IMPA1: variants seen among roughly 807,000 people sequenced by gnomAD.
IMPA1 encodes D-galactose 1-phosphate phosphatase.
Under a neutral mutation model 34.9 loss-of-function variants are expected in IMPA1, and 21 were observed. The observed-to-expected ratio is 0.60, with a 90% CI of 0.43 to 0.87. The LOEUF is 0.87. Among genes scored for constraint, IMPA1 ranks in the 40% least tolerant of loss-of-function variants. The pLI, the probability that IMPA1 is intolerant of heterozygous loss-of-function variation, is 0.00. For synonymous variants in IMPA1, 95 were observed against 104.4 expected (o/e 0.91, Z 0.55); for missense variants, 299 against 336.4 (o/e 0.89, Z 0.87).
chr8:81,683,379 T>C (rs149218186), intron 1 of IMPA1, among the ~76,000 whole-genome samples: 1 of 152,278 alleles, frequency 6.6e-6, no homozygotes, highest in East Asian at 1.9e-4. Flanking sequence ...GGATACCTGA[T>C]GATTGGCTGA....
chr8:81,670,034 A>T (rs942608980), intron 7 of IMPA1, among the ~76,000 whole-genome samples: 3 of 152,234 alleles, frequency 2.0e-5, no homozygotes, highest in Admixed American at 6.5e-5. Context: ...GAAGGCCCTC[A>T]TCAGATGCAG....
chr8:81,679,436 A>G, intron 3 of IMPA1, among the ~76,000 whole-genome samples: 1 of 152,072 alleles, frequency 6.6e-6, no homozygotes, highest in East Asian at 1.9e-4. Flanking sequence ...AATGTGGTGA[A>G]ACCCCATCTC....
At chr8:81,680,509 G>C in intron 3 of IMPA1, 141 bp downstream of exon 3, 1 of 633,848 alleles carries the variant, frequency 1.6e-6, no homozygotes. Context: ...ACCTTCAGTT[G>C]ACTGCAGCCT....
chr8:81,671,512 T>C (rs1296999876), intron 6 of IMPA1, among the ~76,000 whole-genome samples: 1 of 152,156 alleles, frequency 6.6e-6, no homozygotes, highest in African/African-American at 2.4e-5. Context: ...CCCAACACCC[T>C]AGATCTCACC....
At position 81,659,228 on chromosome 8, in the gene IMPA1, C is replaced by A; in HGVS notation, c.*123G>T. On this transcript the variant is annotated 3_prime_UTR_variant, in exon 9 of 9. Coordinates refer to ENST00000256108, the MANE Select transcript of IMPA1 (RefSeq NM_005536.4). ...ACATAGTAAAATAAGAAACAAGTTCCAAATTTTTGACCTGGACAAAGAGAA... is the reference window on the plus strand; with the variant it reads ...ACATAGTAAAATAAGAAACAAGTTCAAAATTTTTGACCTGGACAAAGAGAA... 1.5e-6 allele frequency: 1 copy of A among 669,674 alleles called. No individual in the cohort carries two copies. The highest frequency in any genetic ancestry group is 2.7e-5 in the East Asian group (1 of 37,098). The allele number at this position is 669,674 out of a possible 1,614,324, so 41.5% of individuals were successfully genotyped here.
Position 81,679,201 on chromosome 8 carries a change from C to G in IMPA1, c.227G>C (p.Gly76Ala), listed in dbSNP as rs1394130630. The change falls in exon 4 of 9, where the codon GGG becomes GCG. Residue 76 changes from glycine (G) to alanine (A), a missense_variant. Physicochemically the swap from Gly to Ala is moderately conservative, Grantham distance 60. Coordinates refer to ENST00000256108, the MANE Select transcript of IMPA1 (RefSeq NM_005536.4). ...GTTGTCGGTTAAGATACTTTTTTCC[C>G]CAGCTGCCACAGATTCTTCACCAAT... is the stretch of plus-strand genomic sequence containing the variant. The part of the protein sequence containing the change: ...SFIGEESVAA[G>A]EKSILTDNPT... 1.9e-6 allele frequency: 3 copies of G among 1,613,854 alleles called. No homozygotes were observed. The South Asian group carries it at 3.3e-5, about 18-fold the overall frequency.
intron 1 of IMPA1, among the ~76,000 whole-genome samples, chr8:81,684,511 T>A (rs938490740): frequency 7.1e-6 from 1 of 140,982 alleles, no homozygotes; most frequent in East Asian, 2.1e-4. Flanking sequence ...TAAGTATCTT[T>A]AGATACTATG....
In IMPA1 at chr8:81,684,859, C is replaced by T. The variant is rs181054781; in HGVS notation, c.-25+1393G>A. On this transcript the variant is annotated intron_variant, in intron 1 of 8. Transcript: ENST00000256108. The stretch of plus-strand genomic sequence containing the variant: ...ATCTATGTGTAGTATATATACTATA[C>T]ATAAGTATATTTAGATACTATGTAT... Among the ~76,000 whole-genome samples the T allele has an allele frequency of 2.2e-4, 29 of 133,180 alleles. 2 individuals carry two copies. In the East Asian group the frequency reaches 5.4e-3, roughly 25 times the overall value. The allele number at this position is 133,180 out of a possible 152,430, so 87.4% of individuals were successfully genotyped here. A position where few individuals can be genotyped will look rare whatever the true frequency, so the allele number is the denominator to read the frequency against.
rs373401199 is a variant in IMPA1, at chr8:81,680,407, G to A, written c.197+243C>T. Among the ~76,000 whole-genome samples the A allele has an allele frequency of 1.6e-4, 24 of 152,334 alleles. 1 individual carries two copies. The East Asian group carries it at 2.5e-3, about 16-fold the overall frequency. On this transcript the variant is annotated intron_variant, in intron 3 of 8. Transcript: ENST00000256108. ...ACTCTGTGAAGAGGCTACATGGTAA[G>A]GAACTGAGAGAAGCTACCAGCAGAC...
chr8:81,681,440 CAGTAT>C, intron 2 of IMPA1, 53 bp downstream of exon 2: 1 of 950,922 alleles, frequency 1.1e-6, no homozygotes, highest in Non-Finnish European at 1.7e-6. Flanking sequence ...GGCAACAACA[CAGTAT>C]ACCCACCAAT....
chr8:81,664,590 G>C lies in IMPA1; in HGVS notation c.567-3923C>G, dbSNP rs528691314. ...TGGTAATTCATAGTCTTGGCTAGAG[G>C]TAAGGGGCTAGAAAACACTCAGAAC... is the stretch of plus-strand genomic sequence containing the variant. On this transcript the variant is annotated intron_variant, in intron 7 of 8. Transcript: ENST00000256108. Among the ~76,000 whole-genome samples the C allele has an allele frequency of 9.9e-5, 15 of 152,270 alleles. No homozygotes were observed. The South Asian group carries it at 2.7e-3, about 27-fold the overall frequency.
intron 2 of IMPA1, 96 bp downstream of exon 2, chr8:81,681,402 A>G: frequency 1.3e-6 from 1 of 763,612 alleles, no homozygotes; most frequent in East Asian, 2.6e-5. Flanking sequence ...TTTCAAAAAA[A>G]GAAACCAAAT....
chr8:81,679,381 G>C (rs1003597049), intron 3 of IMPA1, 151 bp from the exon 4 acceptor site: 1 of 597,624 alleles, frequency 1.7e-6, no homozygotes, highest in African/African-American at 1.8e-5. Context: ...TGGGAGGCCA[G>C]GGAGGGCGGA....
intron 8 of IMPA1, among the ~76,000 whole-genome samples, 162 bp downstream of exon 8, chr8:81,660,354 C>T (rs1450661307): frequency 1.3e-5 from 2 of 152,010 alleles, no homozygotes; most frequent in Admixed American, 6.6e-5. Flanking sequence ...CTTATCCTTA[C>T]CTCTATCTCC....
chr8:81,659,165 C>T lies in IMPA1; in HGVS notation c.*186G>A, dbSNP rs912236525. ...TTCTTACATGCAAAATTTTTTAAAT[C>T]AGTGAAACAAACATTATGTCAATTC... is the stretch of plus-strand genomic sequence containing the variant. On this transcript the variant is annotated 3_prime_UTR_variant, in exon 9 of 9. Transcript: ENST00000256108. 3.3e-5 allele frequency: 19 copies of T among 580,674 alleles called. No individual in the cohort carries two copies. Among genetic ancestry groups the T allele is most frequent in the Admixed American group, 7.0e-5 (2 of 28,738 alleles). 36.0% of individuals were successfully genotyped at this position (580,674 alleles called of 1,614,324 possible).
chr8:81,665,140 T>C (rs1008169026), intron 7 of IMPA1, among the ~76,000 whole-genome samples: 6 of 150,442 alleles, frequency 4.0e-5, no homozygotes, highest in Non-Finnish European at 8.8e-5. Context: ...AATGGTTTTG[T>C]TTTTTCTTTT....
chr8:81,661,348 T>C (rs1213307944), intron 7 of IMPA1, among the ~76,000 whole-genome samples: 2 of 151,934 alleles, frequency 1.3e-5, no homozygotes, highest in African/African-American at 2.4e-5. Context: ...ATAAGTACAA[T>C]GGAAAAATAG....
At chr8:81,659,624 G>A (rs1433911012) in intron 8 of IMPA1, among the ~76,000 whole-genome samples, 158 bp from the exon 9 acceptor site, 1 of 152,080 alleles carries the variant, frequency 6.6e-6, no homozygotes, top group Admixed American at 6.6e-5. Flanking sequence ...TATAAGCTTA[G>A]ACAATATATA....
chr8:81,684,516 ACTATGTGTAG>A, intron 1 of IMPA1, among the ~76,000 whole-genome samples: 2 of 138,182 alleles, frequency 1.4e-5, no homozygotes, highest in African/African-American at 2.7e-5. Flanking sequence ...ATCTTTAGAT[ACTATGTGTAG>A]TATATATACT....
Sources: gnomAD v4.1 joint callset for allele counts (sites outside exome capture counted in the v4.1 genomes callset) on GRCh38, gnomAD v4.1.1 for gene constraint, MANE v1.5 for transcripts, NCBI Gene and HGNC (gene_info 2026-07-23, HGNC 2026-07-21) for gene names.